The following PAPPA2 variants were observed in gnomAD, a reference collection of about 807,000 sequenced individuals.
The protein encoded by PAPPA2 is pappalysin-2.
A neutral mutation model predicts 176.4 loss-of-function variants in PAPPA2; 86 were observed. The observed-to-expected ratio is 0.49, with a 90% CI of 0.41 to 0.58. The LOEUF (loss-of-function observed/expected upper bound fraction) is 0.58. Among genes scored for constraint, PAPPA2 ranks in the 20% least tolerant of loss-of-function variants. The pLI, the probability that PAPPA2 is intolerant of heterozygous loss-of-function variation, is 0.00. For synonymous variants in PAPPA2, 809 were observed against 852.2 expected (o/e 0.95, Z 0.88); for missense variants, 2,073 against 2,256.9 (o/e 0.92, Z 1.65).
chr1:176,651,726 C>G (rs1046672820), intron 3 of PAPPA2, among the ~76,000 whole-genome samples: 2 of 151,532 alleles, frequency 1.3e-5, no homozygotes, highest in African/African-American at 4.8e-5. Flanking sequence ...AATAAGCTTT[C>G]TATCCCTTGC....
At chr1:176,604,263 A>G (rs533718256) in intron 3 of PAPPA2, among the ~76,000 whole-genome samples, 1 of 152,056 alleles carries the variant, frequency 6.6e-6, no homozygotes, top group African/African-American at 2.4e-5. Flanking sequence ...TCTTTTTAGA[A>G]TTTATCACAA....
intron 17 of PAPPA2, among the ~76,000 whole-genome samples, chr1:176,779,519 C>CACACACACAG (rs1451138087): frequency 1.2e-4 from 12 of 102,640 alleles, no homozygotes; most frequent in African/African-American, 2.3e-4. Context: ...CACACACACA[C>CACACACACAG]AGAGAGAGAG....
intron 1 of PAPPA2, among the ~76,000 whole-genome samples, chr1:176,482,265 G>C (rs969379978): frequency 1.3e-5 from 2 of 152,204 alleles, no homozygotes; most frequent in Non-Finnish European, 2.9e-5. Flanking sequence ...GCAGTCTTTA[G>C]GTGTTCTGTG....
chr1:176,549,047 G>A (rs186584377), intron 1 of PAPPA2, among the ~76,000 whole-genome samples: 1 of 152,232 alleles, frequency 6.6e-6, no homozygotes, highest in Admixed American at 6.5e-5. Context: ...TACCATCTCA[G>A]GGAAATCACC....
chr1:176,530,441 A>G (rs1411441114), intron 1 of PAPPA2, among the ~76,000 whole-genome samples: 1 of 152,242 alleles, frequency 6.6e-6, no homozygotes, highest in East Asian at 1.9e-4. Flanking sequence ...TTAATTAAAA[A>G]GAAAAAAACA....
intron 18 of PAPPA2, among the ~76,000 whole-genome samples, chr1:176,790,758 G>A (rs1391038483): frequency 6.6e-6 from 1 of 152,176 alleles, no homozygotes; most frequent in Non-Finnish European, 1.5e-5. Flanking sequence ...GAGAGTTAGT[G>A]CTACTCTCTA....
chr1:176,800,237 T>G, intron 21 of PAPPA2, 105 bp downstream of exon 21: 1 of 1,030,394 alleles, frequency 9.7e-7, no homozygotes, highest in South Asian at 1.6e-5. Flanking sequence ...CTCCTATTCC[T>G]CTGTCCTTTG....
intron 4 of PAPPA2, among the ~76,000 whole-genome samples, chr1:176,686,025 G>A (rs1218614189): frequency 6.6e-6 from 1 of 152,172 alleles, no homozygotes; most frequent in African/African-American, 2.4e-5. Flanking sequence ...ATGTGTGTCT[G>A]TGAGTGATTA....
intron 2 of PAPPA2, among the ~76,000 whole-genome samples, chr1:176,578,448 T>G (rs1387937614): frequency 6.6e-6 from 1 of 152,198 alleles, no homozygotes; most frequent in African/African-American, 2.4e-5. Context: ...GCTCCTTTTC[T>G]GAGTCAAGAC....
At chr1:176,643,836 A>T (rs768830436) in intron 3 of PAPPA2, among the ~76,000 whole-genome samples, 4 of 151,792 alleles carry the variant, frequency 2.6e-5, no homozygotes, top group Non-Finnish European at 4.4e-5. Context: ...ATTAGAAGAG[A>T]TGTGCTCTCC....
chr1:176,712,105 T>G, intron 12 of PAPPA2, 124 bp downstream of exon 12: 3 of 1,194,366 alleles, frequency 2.5e-6, no homozygotes, highest in Non-Finnish European at 3.5e-6. Context: ...TTTTGTTATC[T>G]CAAAGTGTTA....
chr1:176,650,529 G>C (rs1362987663), intron 3 of PAPPA2, among the ~76,000 whole-genome samples: 1 of 151,436 alleles, frequency 6.6e-6, no homozygotes, highest in Non-Finnish European at 1.5e-5. Context: ...ATTTACATTA[G>C]GTATGTCTCC....
rs1292641545 is a variant in PAPPA2, at chr1:176,845,177, C to A, written c.*2723C>A. ...ATGTGGTGGTCCACATTCTGCTACT[C>A]TTATCCACCCATGTGGTCATTGAGA... On this transcript the variant is annotated 3_prime_UTR_variant, in exon 23 of 23. Coordinates refer to ENST00000367662, the MANE Select transcript of PAPPA2 (RefSeq NM_020318.3). 1 of 152,208 alleles carries A rather than the reference C, an allele frequency of 6.6e-6. No individual in the cohort carries two copies. Among genetic ancestry groups the A allele is most frequent in the Non-Finnish European group, 1.5e-5 (1 of 68,060 alleles). 9.4% of individuals were successfully genotyped at this position (152,208 alleles called of 1,614,324 possible).
chr1:176,533,377 G>A lies in PAPPA2; in HGVS notation c.-916-22030G>A, dbSNP rs556668448. ...CTGCCTTGGCAAAGGACTAGGTCAC[G>A]GTCACCATCACCATAAGCCATTTTA... On this transcript the variant is annotated intron_variant, in intron 1 of 22. Coordinates refer to ENST00000367662, the MANE Select transcript of PAPPA2 (RefSeq NM_020318.3). 1.2e-3 allele frequency among the ~76,000 whole-genome samples: 178 copies of A among 152,316 alleles called. 2 individuals are homozygous for A. Among genetic ancestry groups the A allele is most frequent in the African/African-American group, 3.9e-3 (164 of 41,582 alleles).
At chr1:176,466,377 C>A (rs537826156) in intron 1 of PAPPA2, among the ~76,000 whole-genome samples, 4 of 152,222 alleles carry the variant, frequency 2.6e-5, no homozygotes, top group African/African-American at 9.6e-5. Flanking sequence ...ATTTCAAGCA[C>A]CATCATCTGA....
rs553961276 is a variant in PAPPA2, at chr1:176,594,593, A to T, written c.989A>T (p.Asp330Val). ...GCCCTGGGGATCCGCTCAGGGAAGG[A>T]CAAGGGAAAGCGGGATGCTCGCTTC... Reference protein sequence around the residue: ...GWALGIRSGKDKGKRDARFFF... With the variant: ...GWALGIRSGKVKGKRDARFFF... Residue 330 changes from aspartate to valine, a missense_variant, in exon 3 of 23, where the codon GAC becomes GTC. Around this residue, in one of 4 missense-constraint regions of PAPPA2, gnomAD observed 1,196 missense variants for 1,330.4 expected, o/e 0.90. Coordinates refer to ENST00000367662, the MANE Select transcript of PAPPA2 (RefSeq NM_020318.3). 4 of 1,614,184 alleles carry T rather than the reference A, an allele frequency of 2.5e-6. No homozygotes were observed. The African/African-American group carries it at 5.3e-5, about 22-fold the overall frequency.
chr1:176,718,816 T>C (rs1571222946), intron 12 of PAPPA2, among the ~76,000 whole-genome samples: 1 of 152,026 alleles, frequency 6.6e-6, no homozygotes, highest in African/African-American at 2.4e-5. Flanking sequence ...ATGGTCAATA[T>C]TGGTAAGTAT....
At chr1:176,711,758 G>A in intron 11 of PAPPA2, 77 bp from the exon 12 acceptor site, 1 of 1,477,542 alleles carries the variant, frequency 6.8e-7, no homozygotes, top group Non-Finnish European at 9.3e-7. Context: ...ACTTTGCTTT[G>A]AGCTGGAGAG....
intron 17 of PAPPA2, among the ~76,000 whole-genome samples, chr1:176,784,024 T>C (rs930624811): frequency 5.3e-5 from 8 of 152,352 alleles, no homozygotes; most frequent in Non-Finnish European, 1.0e-4. Context: ...TGTTATATTA[T>C]GATTTGAAAA....
Sources: allele counts gnomAD v4.1 joint callset (sites outside exome capture counted in the v4.1 genomes callset), GRCh38; gene constraint gnomAD v4.1.1; regional missense constraint gnomAD v4.1.1; transcripts MANE v1.5; gene names NCBI Gene and HGNC (gene_info 2026-07-23, HGNC 2026-07-21).